The following ARHGAP28 variants were observed in gnomAD, a reference collection of about 807,000 sequenced individuals.
ARHGAP28 encodes Rho GTPase activating protein 28, also known as rho GTPase-activating protein 28.
A neutral mutation model predicts 90.7 loss-of-function variants in ARHGAP28; 56 were observed. The ratio of observed to expected loss-of-function variants is 0.62; its 90% confidence interval spans 0.50 to 0.77. The LOEUF (loss-of-function observed/expected upper bound fraction) is 0.77. ARHGAP28 is among the 30% of genes least tolerant of loss of function. The pLI, the probability that ARHGAP28 is intolerant of heterozygous loss-of-function variation, is 0.00. For missense variants in ARHGAP28, 869 were observed against 900.9 expected (o/e 0.96, Z 0.45); for synonymous variants, 308 against 323.3 (o/e 0.95, Z 0.51).
intron 14 of ARHGAP28, among the ~76,000 whole-genome samples, chr18:6,893,307 C>G (rs1228236215): frequency 6.6e-6 from 1 of 152,150 alleles, no homozygotes; most frequent in Non-Finnish European, 1.5e-5. Context: ...GCCAGAAATG[C>G]AGGCTGTTAT....
intron 1 of ARHGAP28, among the ~76,000 whole-genome samples, chr18:6,821,461 A>C (rs553698995): frequency 6.6e-5 from 10 of 152,304 alleles, no homozygotes; most frequent in Admixed American, 4.6e-4. Context: ...TTTTCTCCTA[A>C]TATGGTGAGG....
intron 1 of ARHGAP28, among the ~76,000 whole-genome samples, chr18:6,814,443 A>G (rs943534725): frequency 2.6e-5 from 4 of 152,212 alleles, no homozygotes. Context: ...AAGGAAACTG[A>G]AAAGCAATAC....
At chr18:6,837,987 G>A (rs891350614) in intron 3 of ARHGAP28, among the ~76,000 whole-genome samples, 1 of 152,188 alleles carries the variant, frequency 6.6e-6, no homozygotes, top group Non-Finnish European at 1.5e-5. Context: ...GCAATTTCAT[G>A]TCCACAATTT....
At chr18:6,899,472 A>G (rs2057326797) in intron 16 of ARHGAP28, among the ~76,000 whole-genome samples, 1 of 152,138 alleles carries the variant, frequency 6.6e-6, no homozygotes, top group Non-Finnish European at 1.5e-5. Flanking sequence ...GGATTAGGTA[A>G]AGAGGTGGCC....
At chr18:6,807,674 C>G (rs1600203353) in intron 1 of ARHGAP28, among the ~76,000 whole-genome samples, 1 of 152,186 alleles carries the variant, frequency 6.6e-6, no homozygotes, top group East Asian at 1.9e-4. Context: ...TTATCTGATT[C>G]TTCCAGTGAT....
intron 1 of ARHGAP28, among the ~76,000 whole-genome samples, chr18:6,739,770 C>CT (rs1367044828): frequency 6.7e-6 from 1 of 149,000 alleles, no homozygotes; most frequent in Non-Finnish European, 1.5e-5. Context: ...TTATTAATTG[C>CT]TTTTTTAACA....
chr18:6,776,148 A>G (rs560295364), intron 1 of ARHGAP28, among the ~76,000 whole-genome samples: 15 of 152,246 alleles, frequency 9.9e-5, no homozygotes, highest in Non-Finnish European at 2.2e-4. Context: ...AGCCCCTGAG[A>G]TGAGCTAAAA....
At chr18:6,801,609 C>A (rs565373769) in intron 1 of ARHGAP28, among the ~76,000 whole-genome samples, 2 of 151,686 alleles carry the variant, frequency 1.3e-5, no homozygotes, top group South Asian at 4.2e-4. Flanking sequence ...GAATTGACAT[C>A]TTTTTTTTAA....
At position 6,915,687 on chromosome 18, in the gene ARHGAP28, C is replaced by T. The variant is rs1425235446; in HGVS notation, c.*3533C>T. 6.6e-6 allele frequency: 1 copy of T among 152,040 alleles called. No individual in the cohort carries two copies. Among genetic ancestry groups the T allele is most frequent in the Non-Finnish European group, 1.5e-5 (1 of 68,026 alleles). 9.4% of individuals were successfully genotyped at this position (152,040 alleles called of 1,614,324 possible). On this transcript the variant is annotated 3_prime_UTR_variant, in exon 18 of 18. Coordinates refer to ENST00000383472, the MANE Select transcript of ARHGAP28 (RefSeq NM_001366230.1). Reference sequence around the variant, plus strand: ...TAGAATATGTATGTTGCATTTTATCCATAAGAAATAAAGAGAAAAAAACTA... The same window carrying T: ...TAGAATATGTATGTTGCATTTTATCTATAAGAAATAAAGAGAAAAAAACTA...
At chr18:6,798,481 C>T (rs377389059) in intron 1 of ARHGAP28, among the ~76,000 whole-genome samples, 11 of 152,246 alleles carry the variant, frequency 7.2e-5, no homozygotes, top group East Asian at 5.8e-4. Context: ...GGTGTGAGCC[C>T]GCCATGCCCA....
chr18:6,885,413 T>G (rs1260786124), intron 11 of ARHGAP28, among the ~76,000 whole-genome samples: 1 of 152,132 alleles, frequency 6.6e-6, no homozygotes, highest in Non-Finnish European at 1.5e-5. Flanking sequence ...CTCAATACCC[T>G]CAAATGGAGC....
chr18:6,795,746 A>C (rs1256474150), intron 1 of ARHGAP28, among the ~76,000 whole-genome samples: 1 of 152,120 alleles, frequency 6.6e-6, no homozygotes. Context: ...GTCACACTTG[A>C]CATTCTCACT....
At chr18:6,757,550 C>T (rs1442964089) in intron 1 of ARHGAP28, among the ~76,000 whole-genome samples, 2 of 152,156 alleles carry the variant, frequency 1.3e-5, no homozygotes, top group East Asian at 3.9e-4. Context: ...AAAATCCATA[C>T]AGATTTGGTA....
chr18:6,762,902 C>T (rs956564935), intron 1 of ARHGAP28, among the ~76,000 whole-genome samples: 3 of 152,056 alleles, frequency 2.0e-5, no homozygotes, highest in Non-Finnish European at 4.4e-5. Context: ...GAGTAATATA[C>T]GCACAATGAA....
At chr18:6,887,300 A>C in intron 12 of ARHGAP28, 61 bp downstream of exon 12, 1 of 1,501,352 alleles carries the variant, frequency 6.7e-7, no homozygotes, top group Non-Finnish European at 9.2e-7. Context: ...GACATGGCTC[A>C]TATAGGAAAA....
chr18:6,775,473 T>C lies in ARHGAP28; in HGVS notation c.122+45530T>C, dbSNP rs954027189. On this transcript the variant is annotated intron_variant, in intron 1 of 17. Coordinates refer to ENST00000383472, the MANE Select transcript of ARHGAP28 (RefSeq NM_001366230.1). ...TGTTAAGGAAGCCTTCGATGAAATATTGCTTGTTTTCATAGTGTGTGGTGG... is the reference window on the plus strand; with the variant it reads ...TGTTAAGGAAGCCTTCGATGAAATACTGCTTGTTTTCATAGTGTGTGGTGG... 5.3e-5 allele frequency among the ~76,000 whole-genome samples: 8 copies of C among 152,302 alleles called. 2 individuals are homozygous for C. The highest frequency in any genetic ancestry group is 1.9e-4 in the East Asian group (1 of 5,176).
chr18:6,730,112 A>T, intron 1 of ARHGAP28, 169 bp downstream of exon 1: 1 of 681,198 alleles, frequency 1.5e-6, no homozygotes, highest in Non-Finnish European at 2.1e-6. Context: ...CTTTGACTGG[A>T]GGTGGGAAAC....
chr18:6,763,466 A>C (rs993077256), intron 1 of ARHGAP28, among the ~76,000 whole-genome samples: 2 of 152,134 alleles, frequency 1.3e-5, no homozygotes, highest in Non-Finnish European at 2.9e-5. Flanking sequence ...AGATGACCCA[A>C]TCTTTTTCCT....
In ARHGAP28 at chr18:6,806,408, T is replaced by G. The variant is rs74631883; in HGVS notation, c.123-18354T>G. On this transcript the variant is annotated intron_variant, in intron 1 of 17. Coordinates refer to ENST00000383472, the MANE Select transcript of ARHGAP28 (RefSeq NM_001366230.1). The stretch of plus-strand genomic sequence containing the variant: ...AGTAGACATAGCACAAGAAAAAGAT[T>G]AGTGAATTTGTAGGCAAAAGCAGTA... Among the ~76,000 whole-genome samples, 1,272 of 152,126 alleles carry G rather than the reference T, an allele frequency of 8.4e-3. 9 individuals are homozygous for G. The highest frequency in any genetic ancestry group is 0.015 in the Admixed American group (236 of 15,282).
Sources: gnomAD v4.1 joint callset for allele counts (sites outside exome capture counted in the v4.1 genomes callset) on GRCh38, gnomAD v4.1.1 for gene constraint, MANE v1.5 for transcripts, NCBI Gene and HGNC (gene_info 2026-07-23, HGNC 2026-07-21) for gene names.